Variants in SUGCT observed in about 807,000 individuals in gnomAD.
SUGCT encodes the protein succinyl-CoA:glutarate-CoA transferase, also known as succinyl-CoA:glutarate CoA-transferase.
Under a neutral mutation model 55.0 loss-of-function variants are expected in SUGCT, and 41 were observed. That is an observed-to-expected ratio of 0.74 (90% CI 0.58 to 0.97). The LOEUF is 0.97. SUGCT is among the 50% of genes least tolerant of loss of function. The probability of loss-of-function intolerance (pLI) is 0.00; values close to 1 mark genes in which losing one functional copy is unlikely to be tolerated. For missense variants in SUGCT, 568 were observed against 547.8 expected (o/e 1.04, Z -0.37); for synonymous variants, 187 against 200.4 (o/e 0.93, Z 0.56).
chr7:40,941,962 G>A, the SUGCT span, among the ~76,000 whole-genome samples: 1 of 151,988 alleles, frequency 6.6e-6, no homozygotes, highest in South Asian at 2.1e-4. Context: ...GAGTCTTTAT[G>A]TGTTAGTGAG....
intron 9 of SUGCT, among the ~76,000 whole-genome samples, chr7:40,346,453 ACT>A (rs550743215): frequency 7.3e-4 from 111 of 152,152 alleles, no homozygotes; most frequent in African/African-American, 2.6e-3. Context: ...ATAGGTACAG[ACT>A]CTGTAGCCAC....
chr7:40,526,384 A>G (rs1793797815), intron 12 of SUGCT, among the ~76,000 whole-genome samples: 4 of 152,170 alleles, frequency 2.6e-5, no homozygotes, highest in African/African-American at 9.6e-5. Flanking sequence ...CACAGTTTCA[A>G]GGACTTCTCT....
chr7:40,140,055 A>T (rs934355785), intron 1 of SUGCT, among the ~76,000 whole-genome samples: 12 of 152,126 alleles, frequency 7.9e-5, no homozygotes, highest in African/African-American at 2.4e-4. Flanking sequence ...GGCATGCGCC[A>T]CCATGCCCCG....
At chr7:40,522,534 A>G (rs1257080932) in intron 12 of SUGCT, among the ~76,000 whole-genome samples, 2 of 152,142 alleles carry the variant, frequency 1.3e-5, no homozygotes, top group Non-Finnish European at 2.9e-5. Flanking sequence ...GAAAAGAGAA[A>G]CGATGTGTTT....
intron 9 of SUGCT, among the ~76,000 whole-genome samples, chr7:40,395,718 C>T (rs17171708): frequency 0.019 from 2,889 of 152,120 alleles, 91 homozygotes; most frequent in African/African-American, 0.066. Flanking sequence ...TTAATGGAAG[C>T]ATGAGAGCAT....
At chr7:40,379,445 T>C (rs1784765186) in intron 9 of SUGCT, among the ~76,000 whole-genome samples, 1 of 152,248 alleles carries the variant, frequency 6.6e-6, no homozygotes, top group South Asian at 2.1e-4. Context: ...ATGCCTTGTA[T>C]TTTTGTTGTT....
At chr7:40,647,697 A>G (rs561530354) in intron 12 of SUGCT, among the ~76,000 whole-genome samples, 15 of 152,178 alleles carry the variant, frequency 9.9e-5, no homozygotes, top group Non-Finnish European at 1.9e-4. Context: ...TTTAAACTAC[A>G]AAAATTAGCC....
At chr7:40,355,742 AT>A (rs1345952520) in intron 9 of SUGCT, among the ~76,000 whole-genome samples, 1 of 152,220 alleles carries the variant, frequency 6.6e-6, no homozygotes, top group African/African-American at 2.4e-5. Flanking sequence ...CAGGTGTAAA[AT>A]TAGTGTTCCC....
At chr7:40,460,725 T>G (rs897883616) in intron 11 of SUGCT, among the ~76,000 whole-genome samples, 3 of 152,242 alleles carry the variant, frequency 2.0e-5, no homozygotes, top group African/African-American at 7.2e-5. Flanking sequence ...GTAGCATCTG[T>G]AACATACTCA....
At chr7:40,409,015 G>A (rs1374313775) in intron 9 of SUGCT, among the ~76,000 whole-genome samples, 2 of 152,142 alleles carry the variant, frequency 1.3e-5, no homozygotes, top group Non-Finnish European at 2.9e-5. Flanking sequence ...AAGCTGTGGT[G>A]CAGTCATGGC....
At chr7:40,974,079 G>T in the SUGCT span, among the ~76,000 whole-genome samples, 159 of 152,278 alleles carry the variant, frequency 1.0e-3, no homozygotes, top group Admixed American at 1.6e-3. Context: ...TCTCAAGATG[G>T]TTTATTTTTG....
At chr7:40,684,567 C>G (rs1008608381) in intron 12 of SUGCT, among the ~76,000 whole-genome samples, 5 of 152,158 alleles carry the variant, frequency 3.3e-5, no homozygotes, top group African/African-American at 1.2e-4. Context: ...ATTTATTCAG[C>G]TAATTATATC....
the SUGCT span, among the ~76,000 whole-genome samples, chr7:40,909,404 G>A: frequency 6.6e-6 from 1 of 152,112 alleles, no homozygotes. Flanking sequence ...TGTCACCCCG[G>A]GGTTCGCTAG....
chr7:41,024,949 T>A, the SUGCT span, among the ~76,000 whole-genome samples: 1 of 152,246 alleles, frequency 6.6e-6, no homozygotes, highest in African/African-American at 2.4e-5. Context: ...AGTTGTCCTA[T>A]ATGCATAGGA....
intron 7 of SUGCT, 22 bp downstream of exon 7, chr7:40,237,748 A>G: frequency 1.3e-6 from 2 of 1,592,500 alleles, no homozygotes; most frequent in Non-Finnish European, 1.7e-6. Flanking sequence ...TCCTTAGAAT[A>G]TTCATAATTT....
chr7:40,988,571 A>T, the SUGCT span, among the ~76,000 whole-genome samples: 2 of 152,104 alleles, frequency 1.3e-5, no homozygotes, highest in Non-Finnish European at 2.9e-5. Flanking sequence ...GTGGATACTG[A>T]TACTGGGGAT....
At chr7:40,575,125 T>TGGGGGGGGGG (rs1491375845) in intron 12 of SUGCT, among the ~76,000 whole-genome samples, 5 of 137,022 alleles carry the variant, frequency 3.6e-5, no homozygotes, top group African/African-American at 1.6e-4. Context: ...GTGGCGGGGG[T>TGGGGGGGGGG]GGGGGTGGAG....
intron 11 of SUGCT, among the ~76,000 whole-genome samples, chr7:40,471,032 T>C (rs1330430956): frequency 1.3e-5 from 2 of 152,162 alleles, no homozygotes; most frequent in African/African-American, 4.8e-5. Context: ...CTGGCCTGGA[T>C]CTTTGTGGCT....
chr7:40,855,519 A>G (rs1010631454), intron 13 of SUGCT, among the ~76,000 whole-genome samples: 2 of 151,090 alleles, frequency 1.3e-5, no homozygotes, highest in African/African-American at 4.9e-5. Context: ...TTTTTTTTGC[A>G]TAGCATTCTG....
Sources: gnomAD v4.1 joint callset for allele counts (sites outside exome capture counted in the v4.1 genomes callset) on GRCh38, gnomAD v4.1.1 for gene constraint, MANE v1.5 for transcripts, NCBI Gene and HGNC (gene_info 2026-07-23, HGNC 2026-07-21) for gene names.